The following EXOSC8 variants were observed in gnomAD, a reference collection of about 807,000 sequenced individuals.
EXOSC8 encodes the protein exosome component 8, also known as exosome complex component RRP43.
A neutral mutation model predicts 39.9 loss-of-function variants in EXOSC8; 37 were observed. That is an observed-to-expected ratio of 0.93 (90% CI 0.71 to 1.22). The LOEUF (loss-of-function observed/expected upper bound fraction) is 1.22. Among genes scored for constraint, EXOSC8 ranks in the 50% most tolerant of loss-of-function variants. EXOSC8 has a pLI of 0.00. For synonymous variants in EXOSC8, 93 were observed against 109.5 expected (o/e 0.85, Z 0.94); for missense variants, 313 against 326.6 (o/e 0.96, Z 0.32).
chr13:37,000,839 GGC>G lies in EXOSC8; in HGVS notation c.17+19_17+20del. 1 of 1,563,020 alleles carries G rather than the reference GGC, an allele frequency of 6.4e-7. No individual in the cohort carries two copies. Among genetic ancestry groups the G allele is most frequent in the African/African-American group, 1.4e-5 (1 of 73,056 alleles). ...TGGGTTCAAGTGAGTGTTGGCGGGT[GGC>G]GGGTAGAGTTCTGTACCCTGGCGGA... On this transcript the variant is annotated intron_variant, in intron 1 of 10. Coordinates refer to ENST00000389704, the MANE Select transcript of EXOSC8 (RefSeq NM_181503.3).
intron 9 of EXOSC8, 64 bp from the exon 10 acceptor site, chr13:37,008,665 G>A: frequency 2.0e-6 from 2 of 1,002,922 alleles, no homozygotes; most frequent in African/African-American, 1.6e-5. Context: ...CTGATAGTAT[G>A]TTTAGTATTT....
intron 8 of EXOSC8, 89 bp from the exon 9 acceptor site, chr13:37,007,968 T>C (rs572380027): frequency 1.5e-5 from 15 of 970,466 alleles, no homozygotes; most frequent in South Asian, 8.8e-5. Flanking sequence ...GCAAGTTAAA[T>C]AGAGGGAAAG....
In EXOSC8 at chr13:37,005,941, C is replaced by A. The variant is rs117135638; in HGVS notation, c.260C>A (p.Pro87His). ...TCAGTTCCTAATGTGGATCTACCAC[C>A]CCTGTGTTCATCGAGATTCCGGTCT... ...GYVVPNVDLP[P>H]LCSSRFRSGP... The change falls in exon 6 of 11, where the codon CCC (proline) becomes CAC (histidine). Residue 87 changes from proline to histidine, a missense_variant. Transcript: ENST00000389704. The A allele has an allele frequency of 8.5e-3, 13,673 of 1,607,430 alleles. 114 individuals carry two copies. Among genetic ancestry groups the A allele is most frequent in the Admixed American group, 0.035 (2,108 of 59,930 alleles).
chr13:37,004,604 C>T (rs2059126570), intron 5 of EXOSC8, 43 bp downstream of exon 5: 3 of 1,266,690 alleles, frequency 2.4e-6, no homozygotes, highest in Non-Finnish European at 3.4e-6. Context: ...ATACTTTTAA[C>T]ACATTTAATA....
intron 1 of EXOSC8, chr13:37,001,504 G>A (rs2059104815): frequency 6.6e-6 from 1 of 152,136 alleles, no homozygotes; most frequent in South Asian, 2.1e-4. Flanking sequence ...TCGTTTGGAA[G>A]GTTTTTGTGT....
chr13:37,002,143 T>C, intron 1 of EXOSC8, 130 bp from the exon 2 acceptor site: 1 of 635,828 alleles, frequency 1.6e-6, no homozygotes, highest in Non-Finnish European at 2.8e-6. Context: ...TTTTACTTTC[T>C]AGAATTACTT....
chr13:37,000,942 C>A, intron 1 of EXOSC8, 120 bp downstream of exon 1: 2 of 1,251,598 alleles, frequency 1.6e-6, no homozygotes, highest in East Asian at 2.9e-5. Context: ...TTTCCTTCCT[C>A]GTCGAGGCAG....
In EXOSC8 at chr13:37,009,167, G is replaced by A. The variant is rs1271188547; in HGVS notation, c.716-17G>A. On this transcript the variant is annotated splice_polypyrimidine_tract_variant and intron_variant, in intron 10 of 10. Coordinates refer to ENST00000389704, the MANE Select transcript of EXOSC8 (RefSeq NM_181503.3). Reference sequence around the variant, plus strand: ...ATGATAACTGAGATTAAAAGTATTGGCAAAATAATTTTTCAGGTGGAAGTG... The same window carrying A: ...ATGATAACTGAGATTAAAAGTATTGACAAAATAATTTTTCAGGTGGAAGTG... The A allele has an allele frequency of 5.3e-6, 8 of 1,512,436 alleles. No homozygotes were observed. Among genetic ancestry groups the A allele is most frequent in the African/African-American group, 1.4e-5 (1 of 72,148 alleles). The allele number at this position is 1,512,436 out of a possible 1,614,324, so 93.7% of individuals were successfully genotyped here. A position where few individuals can be genotyped will look rare whatever the true frequency, so the allele number is the denominator to read the frequency against.
chr13:37,003,113 C>T, intron 4 of EXOSC8, 106 bp downstream of exon 4: 1 of 687,372 alleles, frequency 1.5e-6, no homozygotes, highest in East Asian at 2.8e-5. Flanking sequence ...AGTTGGGTGT[C>T]AATTTTTAAT....
At chr13:37,001,541 G>A (rs903769670) in intron 1 of EXOSC8, 3 of 152,154 alleles carry the variant, frequency 2.0e-5, no homozygotes, top group Non-Finnish European at 4.4e-5. Context: ...CTTTCTTAAA[G>A]TTTTTAAAAA....
rs1412754843 is a variant in EXOSC8 at position 37,000,823 on chromosome 13, G to A, written c.17+1G>A. 3.8e-6 allele frequency: 6 copies of A among 1,578,992 alleles called. No individual in the cohort carries two copies. The highest frequency in any genetic ancestry group is 2.7e-5 in the African/African-American group (2 of 73,694). ...GCGGGAAGATGGCGGCTGGGTTCAA[G>A]TGAGTGTTGGCGGGTGGCGGGTAGA... On this transcript the variant is annotated splice_donor_variant, in intron 1 of 10. Coordinates refer to ENST00000389704, the MANE Select transcript of EXOSC8 (RefSeq NM_181503.3). LOFTEE classifies it high-confidence loss of function.
At position 37,000,786 on chromosome 13, in the gene EXOSC8, G is replaced by T; in HGVS notation, c.-20G>T. The T allele has an allele frequency of 6.3e-7, 1 of 1,576,588 alleles. No individual in the cohort carries two copies. On this transcript the variant is annotated 5_prime_UTR_variant, in exon 1 of 11. Coordinates refer to ENST00000389704, the MANE Select transcript of EXOSC8 (RefSeq NM_181503.3). ...CGCGCAGGAGAGGAGCGGCGCAGGC[G>T]CAGACGCGCGGGCGGGAAGATGGCG... is the stretch of plus-strand genomic sequence containing the variant.
Position 37,008,188 on chromosome 13 carries a change from C to G in EXOSC8, c.608+11C>G, listed in dbSNP as rs945192906. The G allele has an allele frequency of 6.3e-7, 1 of 1,584,772 alleles. No homozygotes were observed. Among genetic ancestry groups the G allele is most frequent in the Non-Finnish European group, 8.6e-7 (1 of 1,164,206 alleles). ...TGCTGTGTTTGATGAGTAAGTTAAT[C>G]AAACTTACTTTAAAATTTTCTATAT... On this transcript the variant is annotated intron_variant, in intron 9 of 10. Transcript: ENST00000389704.
At position 37,008,616 on chromosome 13, in the gene EXOSC8, G is replaced by A. The variant is rs1404698251; in HGVS notation, c.609-113G>A. 7.4e-6 allele frequency: 5 copies of A among 675,492 alleles called. No homozygotes were observed. In the African/African-American group the frequency reaches 9.2e-5, roughly 12 times the overall value. 41.8% of individuals were successfully genotyped at this position (675,492 alleles called of 1,614,324 possible). ...CTAAAAACACAAAAATTAGCTGGGTGTGATGGCGTGTGCCTGTTAATTCCA... is the reference window on the plus strand; with the variant it reads ...CTAAAAACACAAAAATTAGCTGGGTATGATGGCGTGTGCCTGTTAATTCCA... On this transcript the variant is annotated intron_variant, in intron 9 of 10. Transcript: ENST00000389704.
chr13:37,009,314 T>G lies in EXOSC8; in HGVS notation c.*15T>G. 7.1e-7 allele frequency: 1 copy of G among 1,415,580 alleles called. No homozygotes were observed. Among genetic ancestry groups the G allele is most frequent in the Non-Finnish European group, 1.0e-6 (1 of 1,004,642 alleles). 87.7% of individuals were successfully genotyped at this position (1,415,580 alleles called of 1,614,324 possible). A position where few individuals can be genotyped will look rare whatever the true frequency, so the allele number is the denominator to read the frequency against. On this transcript the variant is annotated 3_prime_UTR_variant, in exon 11 of 11. Coordinates refer to ENST00000389704, the MANE Select transcript of EXOSC8 (RefSeq NM_181503.3). ...AACCCAAATAAACAGCCACCACATT[T>G]TCAAAACAGATTTGTAAAAATTGTA...
In EXOSC8 at chr13:37,005,924, T is replaced by C; in HGVS notation, c.243T>C (p.Pro81=). ...TDAPDKGYVV[P]NVDLPPLCSS... is the part of the protein sequence containing the mutation. ...GCTGCAGAGTGTTTCTTTCAGTTCC[T>C]AATGTGGATCTACCACCCCTGTGTT... The change falls in exon 6 of 11, where the codon CCT becomes CCC. Residue 81 remains proline (P), a synonymous_variant. Coordinates refer to ENST00000389704, the MANE Select transcript of EXOSC8 (RefSeq NM_181503.3). 1.4e-6 allele frequency: 2 copies of C among 1,398,698 alleles called. No individual in the cohort carries two copies. The highest frequency in any genetic ancestry group is 1.0e-6 in the Non-Finnish European group (1 of 992,978). 86.6% of individuals were successfully genotyped at this position (1,398,698 alleles called of 1,614,324 possible). A position where few individuals can be genotyped will look rare whatever the true frequency, so the allele number is the denominator to read the frequency against.
At chr13:37,002,330 T>C in intron 2 of EXOSC8, 21 bp downstream of exon 2, 2 of 1,589,692 alleles carry the variant, frequency 1.3e-6, no homozygotes, top group Non-Finnish European at 1.7e-6. Flanking sequence ...GTTATGTACA[T>C]GTTATGCGTT....
chr13:37,001,631 A>G (rs769383301), intron 1 of EXOSC8: 1 of 152,212 alleles, frequency 6.6e-6, no homozygotes, highest in Non-Finnish European at 1.5e-5. Flanking sequence ...CGAAGACACG[A>G]TATAGTAGTA....
intron 9 of EXOSC8, 29 bp downstream of exon 9, chr13:37,008,206 T>C: frequency 1.9e-6 from 3 of 1,570,130 alleles, no homozygotes; most frequent in Non-Finnish European, 2.6e-6. Flanking sequence ...CTTTAAAATT[T>C]TCTATATTTA....
Sources: allele counts gnomAD v4.1 joint callset, GRCh38; gene constraint gnomAD v4.1.1; transcripts MANE v1.5; gene names NCBI Gene and HGNC (gene_info 2026-07-23, HGNC 2026-07-21).